CACNG4: variants seen among roughly 807,000 people sequenced by gnomAD.
CACNG4 encodes calcium voltage-gated channel auxiliary subunit gamma 4, also known as voltage-dependent calcium channel gamma-4 subunit.
In CACNG4, 8 loss-of-function variants were observed where a neutral mutation model predicts 22.9. That is an observed-to-expected ratio of 0.35 (90% CI 0.21 to 0.63). CACNG4 has a LOEUF of 0.63. Among genes scored for constraint, CACNG4 ranks in the 30% least tolerant of loss-of-function variants. The probability of loss-of-function intolerance (pLI) is 0.72; values close to 1 mark genes in which losing one functional copy is unlikely to be tolerated. For synonymous variants in CACNG4, 188 were observed against 191.9 expected (o/e 0.98, Z 0.17); for missense variants, 357 against 455.4 (o/e 0.78, Z 1.97).
chr17:67,011,655 G>GAATGAA lies in CACNG4; in HGVS notation c.221-6534_221-6533insAATGAA, dbSNP rs545105701. Among the ~76,000 whole-genome samples, 129 of 120,204 alleles carry GAATGAA rather than the reference G, an allele frequency of 1.1e-3. 2 individuals carry two copies. The highest frequency in any genetic ancestry group is 5.3e-3 in the African/African-American group (122 of 23,236). 78.9% of individuals were successfully genotyped at this position (120,204 alleles called of 152,430 possible). On this transcript the variant is annotated intron_variant, in intron 1 of 3. Coordinates refer to ENST00000262138, the MANE Select transcript of CACNG4 (RefSeq NM_014405.4). ...AATGAATGAATGAATGAATGAATGAGTGAGATGAGTAAACAGTGACAATAC... is the reference window on the plus strand; with the variant it reads ...AATGAATGAATGAATGAATGAATGAGAATGAATGAGATGAGTAAACAGTGACAATAC...
At chr17:66,977,423 C>T (rs905135519) in intron 1 of CACNG4, among the ~76,000 whole-genome samples, 19 of 152,198 alleles carry the variant, frequency 1.2e-4, no homozygotes, top group African/African-American at 1.9e-4. Context: ...GTCAATAGGA[C>T]GGGGGTTGTG....
At position 66,984,371 on chromosome 17, in the gene CACNG4, TCAAAA is replaced by T. The variant is rs1441356757; in HGVS notation, c.220+19246_220+19250del. On this transcript the variant is annotated intron_variant, in intron 1 of 3. Coordinates refer to ENST00000262138, the MANE Select transcript of CACNG4 (RefSeq NM_014405.4). The surrounding 1 kb of genome is among the most constrained non-coding windows in gnomAD (Gnocchi z 4.0). ...TCTGGGCAATAAGCAAGACCCTGTC[TCAAAA>T]CAAAAACAAAAAACAAATATAGGTC... Among the ~76,000 whole-genome samples the T allele has an allele frequency of 6.6e-6, 1 of 152,002 alleles. No homozygotes were observed. Among genetic ancestry groups the T allele is most frequent in the Non-Finnish European group, 1.5e-5 (1 of 68,004 alleles).
At chr17:67,017,538 A>G (rs2035506438) in intron 1 of CACNG4, among the ~76,000 whole-genome samples, 1 of 150,776 alleles carries the variant, frequency 6.6e-6, no homozygotes, top group African/African-American at 2.4e-5. Context: ...TTGTTGTTTG[A>G]GACAGAGTCT....
chr17:67,025,047 A>G, intron 3 of CACNG4, 47 bp downstream of exon 3: 1 of 1,513,244 alleles, frequency 6.6e-7, no homozygotes, highest in Non-Finnish European at 8.8e-7. Flanking sequence ...CTGGGGACAC[A>G]GGAGTGCCTG....
At chr17:66,967,069 A>G (rs1399090459) in intron 1 of CACNG4, among the ~76,000 whole-genome samples, 1 of 152,140 alleles carries the variant, frequency 6.6e-6, no homozygotes, top group Non-Finnish European at 1.5e-5. Flanking sequence ...AGGGCCTTCC[A>G]GTTTCCCAGT....
chr17:66,965,209 C>T, intron 1 of CACNG4, 78 bp downstream of exon 1: 1 of 856,376 alleles, frequency 1.2e-6, no homozygotes, highest in Non-Finnish European at 1.7e-6. Flanking sequence ...CGCGCGCGCG[C>T]GCGCACACAC....
chr17:67,015,015 C>T (rs1285068466), intron 1 of CACNG4, among the ~76,000 whole-genome samples: 1 of 151,914 alleles, frequency 6.6e-6, no homozygotes, highest in Non-Finnish European at 1.5e-5. Flanking sequence ...GGGGAAATAT[C>T]CCAGATTCTT....
At chr17:66,983,885 C>A (rs1161428585) in intron 1 of CACNG4, among the ~76,000 whole-genome samples, 1 of 152,126 alleles carries the variant, frequency 6.6e-6, no homozygotes, top group Non-Finnish European at 1.5e-5. Context: ...CCATTCATAC[C>A]CTGTTCAAAA....
At chr17:66,982,308 CGTTTTACAGAGTGCTGATTGATCT>C (rs1567751245) in intron 1 of CACNG4, among the ~76,000 whole-genome samples, 1 of 152,116 alleles carries the variant, frequency 6.6e-6, no homozygotes, top group African/African-American at 2.4e-5. Flanking sequence ...TTGATTGGTT[CGTTTTACAGAGTGCTGATTGATCT>C]ATTTTACAGA....
Position 67,017,768 on chromosome 17 carries a change from G to A in CACNG4, c.221-421G>A, listed in dbSNP as rs11079677. On this transcript the variant is annotated intron_variant, in intron 1 of 3. Transcript: ENST00000262138. ...TCTGACCTCCTGATCCACCCACCTC[G>A]GCCTCCTAAAATGCTGGGATTACAG... Among the ~76,000 whole-genome samples, 401 of 151,888 alleles carry A rather than the reference G, an allele frequency of 2.6e-3. 2 individuals carry two copies. Among genetic ancestry groups the A allele is most frequent in the East Asian group, 0.018 (94 of 5,134 alleles).
chr17:67,021,424 G>A (rs1451167802), intron 2 of CACNG4, among the ~76,000 whole-genome samples: 1 of 152,238 alleles, frequency 6.6e-6, no homozygotes, highest in Non-Finnish European at 1.5e-5. Context: ...CCAAGGCTGC[G>A]CTGCTCCCAC....
rs1180523677 is a variant in CACNG4 at position 67,033,148 on chromosome 17, CG to C, written c.*2146del. On this transcript the variant is annotated 3_prime_UTR_variant, in exon 4 of 4. Transcript: ENST00000262138. The stretch of plus-strand genomic sequence containing the variant: ...CCGGGCCTTCTCAGCCTTCTCCCCG[CG>C]GCCAGCTGGGTCTCCGGGGACCCTG... 6.5e-6 allele frequency: 1 copy of C among 152,684 alleles called. No homozygotes were observed. Among genetic ancestry groups the C allele is most frequent in the East Asian group, 1.9e-4 (1 of 5,164 alleles). The allele number at this position is 152,684 out of a possible 1,614,324, so 9.5% of individuals were successfully genotyped here.
chr17:67,000,416 T>TG (rs59967918), intron 1 of CACNG4, among the ~76,000 whole-genome samples: 21,958 of 144,042 alleles, frequency 0.15, 3,702 homozygotes, highest in African/African-American at 0.45. Context: ...TATTTACTGT[T>TG]TTTTTTTTTT....
At position 67,027,593 on chromosome 17, in the gene CACNG4, G is replaced by A. The variant is rs887021379; in HGVS notation, c.445+2593G>A. ...ACAGTTTCCAAGGCTGGGAAAGTCA[G>A]AAGAAGACACAAGACTTCTCTGGGA... On this transcript the variant is annotated intron_variant, in intron 3 of 3. Transcript: ENST00000262138. This position sits in a 1 kb window ranked among gnomAD's most constrained non-coding sequence, Gnocchi z 4.3. Among the ~76,000 whole-genome samples, 1 of 152,208 alleles carries A rather than the reference G, an allele frequency of 6.6e-6. No individual in the cohort carries two copies. Among genetic ancestry groups the A allele is most frequent in the African/African-American group, 2.4e-5 (1 of 41,432 alleles).
chr17:66,996,379 C>CTTTT (rs10585610), intron 1 of CACNG4, among the ~76,000 whole-genome samples: 1 of 129,104 alleles, frequency 7.7e-6, no homozygotes, highest in Non-Finnish European at 1.7e-5. Context: ...CAGTCCGATT[C>CTTTT]TTTTTTTTTT....
At position 66,980,355 on chromosome 17, in the gene CACNG4, C is replaced by A. The variant is rs578164245; in HGVS notation, c.220+15224C>A. On this transcript the variant is annotated intron_variant, in intron 1 of 3. Transcript: ENST00000262138. ...TACAAACCTTTATCACATGTGTAAA[C>A]CTAAGTACTTAATCGGAAAGCTGTG... Among the ~76,000 whole-genome samples the A allele has an allele frequency of 5.9e-5, 9 of 152,268 alleles. No homozygotes were observed. In the South Asian group the frequency reaches 1.9e-3, roughly 32 times the overall value.
At position 67,031,243 on chromosome 17, in the gene CACNG4, G is replaced by A; in HGVS notation, c.*239G>A. The A allele has an allele frequency of 1.5e-6, 1 of 651,678 alleles. No homozygotes were observed. The allele number at this position is 651,678 out of a possible 1,614,324, so 40.4% of individuals were successfully genotyped here. ...CCTCCCCGAAAAAGGGTGTTTTGAT[G>A]CCTCAGGGTCTCTGAAATCTCCCGG... is the stretch of plus-strand genomic sequence containing the variant. On this transcript the variant is annotated 3_prime_UTR_variant, in exon 4 of 4. Coordinates refer to ENST00000262138, the MANE Select transcript of CACNG4 (RefSeq NM_014405.4). This position sits in a 1 kb window ranked among gnomAD's most constrained non-coding sequence, Gnocchi z 4.0.
intron 1 of CACNG4, among the ~76,000 whole-genome samples, chr17:67,003,856 C>T (rs1377405614): frequency 6.6e-6 from 1 of 152,208 alleles, no homozygotes; most frequent in East Asian, 1.9e-4. Flanking sequence ...CAGCTTATCA[C>T]CATGGAAATG....
intron 1 of CACNG4, 50 bp downstream of exon 1, chr17:66,965,181 CA>C: frequency 9.4e-7 from 1 of 1,059,624 alleles, no homozygotes; most frequent in Non-Finnish European, 1.3e-6. Context: ...CACACACACA[CA>C]CACATATACA....
Sources: gnomAD v4.1 joint callset for allele counts (sites outside exome capture counted in the v4.1 genomes callset) on GRCh38, gnomAD v4.1.1 for gene constraint, Gnocchi (gnomAD v3.1) non-coding constraint, MANE v1.5 for transcripts, NCBI Gene and HGNC (gene_info 2026-07-23, HGNC 2026-07-21) for gene names.